Variants in NELL1 observed in about 807,000 individuals in gnomAD.
NELL1 encodes the protein neural EGFL like 1, also known as protein kinase C-binding protein NELL1.
In NELL1, 76 loss-of-function variants were observed where a neutral mutation model predicts 107.4. The ratio of observed to expected loss-of-function variants is 0.71; its 90% confidence interval spans 0.59 to 0.86. NELL1 has a LOEUF of 0.86. Among genes scored for constraint, NELL1 ranks in the 40% least tolerant of loss-of-function variants. The probability of loss-of-function intolerance (pLI) is 0.00; values close to 1 mark genes in which losing one functional copy is unlikely to be tolerated. For synonymous variants in NELL1, 353 were observed against 341.2 expected, an observed-to-expected ratio of 1.03 and a Z score of -0.38; for missense variants, 1,024 against 1,005.5, an observed-to-expected ratio of 1.02 and a Z score of -0.25.
chr11:21,023,272 G>A (rs1414246419), intron 12 of NELL1, among the ~76,000 whole-genome samples: 1 of 151,974 alleles, frequency 6.6e-6, no homozygotes, highest in Non-Finnish European at 1.5e-5. Context: ...TTGAACCTTA[G>A]TTTTCTCATT....
In NELL1 at chr11:21,541,411, A is replaced by G. The variant is rs74938618; in HGVS notation, c.1786+6897A>G. 3.1e-3 allele frequency among the ~76,000 whole-genome samples: 476 copies of G among 152,256 alleles called. 4 individuals carry two copies. The highest frequency in any genetic ancestry group is 0.01 in the African/African-American group (432 of 41,576). ...AAACAACCAAAAATGTTCCGCTGAA[A>G]TCCCTTGGGAAAGAAATTTCCATTT... On this transcript the variant is annotated intron_variant, in intron 16 of 19. Transcript: ENST00000357134.
At chr11:21,240,675 T>C (rs1858330755) in intron 14 of NELL1, among the ~76,000 whole-genome samples, 1 of 150,578 alleles carries the variant, frequency 6.6e-6, no homozygotes, top group Admixed American at 6.7e-5. Flanking sequence ...AGATACAATA[T>C]ATGGATTGCG....
chr11:21,081,998 G>A (rs766558533), intron 12 of NELL1, among the ~76,000 whole-genome samples: 7 of 152,094 alleles, frequency 4.6e-5, no homozygotes, highest in Non-Finnish European at 7.4e-5. Context: ...GAAACACTAC[G>A]CCATACTCTC....
At chr11:21,131,124 A>G (rs1216765996) in intron 13 of NELL1, among the ~76,000 whole-genome samples, 1 of 152,162 alleles carries the variant, frequency 6.6e-6, no homozygotes, top group Non-Finnish European at 1.5e-5. Context: ...GCCTCTTGCA[A>G]CTAGGATGTG....
At chr11:20,827,611 G>A (rs1332492591) in intron 3 of NELL1, among the ~76,000 whole-genome samples, 2 of 151,200 alleles carry the variant, frequency 1.3e-5, no homozygotes, top group East Asian at 3.9e-4. Context: ...AGGATTGCAT[G>A]TAGGAGGTTT....
chr11:21,206,959 C>G (rs1857402798), intron 13 of NELL1, among the ~76,000 whole-genome samples: 1 of 152,144 alleles, frequency 6.6e-6, no homozygotes, highest in Non-Finnish European at 1.5e-5. Flanking sequence ...CAAAGGGCCT[C>G]AGCAAAAAGG....
intron 2 of NELL1, among the ~76,000 whole-genome samples, chr11:20,745,683 G>C (rs1183311721): frequency 6.6e-6 from 1 of 152,126 alleles, no homozygotes; most frequent in Non-Finnish European, 1.5e-5. Flanking sequence ...ATTAATAAAA[G>C]GAGCTTTGTT....
chr11:21,107,991 G>C (rs1194511569), intron 12 of NELL1, among the ~76,000 whole-genome samples: 1 of 152,138 alleles, frequency 6.6e-6, no homozygotes, highest in Non-Finnish European at 1.5e-5. Flanking sequence ...GAAATTTTAG[G>C]CACTCTACAC....
intron 4 of NELL1, among the ~76,000 whole-genome samples, chr11:20,864,184 T>A (rs533861786): frequency 1.6e-4 from 25 of 152,158 alleles, no homozygotes; most frequent in African/African-American, 3.4e-4. Context: ...ATTAAAAAAA[T>A]TTTTTAAATA....
At chr11:20,765,556 A>G (rs1266153549) in intron 2 of NELL1, among the ~76,000 whole-genome samples, 2 of 152,144 alleles carry the variant, frequency 1.3e-5, no homozygotes, top group African/African-American at 4.8e-5. Context: ...CTGAAGCCTG[A>G]GTGATGAATG....
intron 5 of NELL1, among the ~76,000 whole-genome samples, chr11:20,916,612 A>G (rs1308782455): frequency 6.6e-6 from 1 of 151,836 alleles, no homozygotes; most frequent in Non-Finnish European, 1.5e-5. Context: ...TACTTCCACC[A>G]ATTCTGCATC....
chr11:20,975,062 T>G (rs1296007260), intron 12 of NELL1, among the ~76,000 whole-genome samples: 1 of 152,116 alleles, frequency 6.6e-6, no homozygotes, highest in Admixed American at 6.6e-5. Flanking sequence ...CATGCTGGAG[T>G]GCAGTGCATG....
intron 2 of NELL1, among the ~76,000 whole-genome samples, chr11:20,682,448 C>T (rs575635004): frequency 7.6e-4 from 116 of 151,794 alleles, no homozygotes; most frequent in African/African-American, 2.2e-3. Flanking sequence ...AAACACATTC[C>T]GATTTGCATG....
intron 12 of NELL1, among the ~76,000 whole-genome samples, chr11:21,100,406 T>C (rs1384966858): frequency 6.6e-6 from 1 of 152,202 alleles, no homozygotes; most frequent in Non-Finnish European, 1.5e-5. Flanking sequence ...TCAAAGCTTT[T>C]TTATCACTGG....
intron 13 of NELL1, among the ~76,000 whole-genome samples, chr11:21,158,693 C>T (rs1856298402): frequency 1.3e-5 from 2 of 152,152 alleles, no homozygotes; most frequent in Non-Finnish European, 2.9e-5. Flanking sequence ...ATCATATCTA[C>T]ATTTCATTCA....
At chr11:21,054,256 A>G (rs1479670101) in intron 12 of NELL1, among the ~76,000 whole-genome samples, 7 of 152,044 alleles carry the variant, frequency 4.6e-5, no homozygotes, top group Admixed American at 4.6e-4. Flanking sequence ...TGTAGTTACT[A>G]TTTGCCAACA....
intron 12 of NELL1, among the ~76,000 whole-genome samples, chr11:21,068,032 C>CAAA (rs1195285619): frequency 0.013 from 535 of 40,352 alleles, 125 homozygotes; most frequent in African/African-American, 0.027. Context: ...GATGCCATCT[C>CAAA]AAAAAAAAAA....
At chr11:21,110,592 G>T (rs1855083870) in intron 12 of NELL1, among the ~76,000 whole-genome samples, 2 of 152,108 alleles carry the variant, frequency 1.3e-5, no homozygotes, top group South Asian at 2.1e-4. Context: ...TGTTGACAAG[G>T]GTCCATGACA....
chr11:21,075,991 A>G (rs962803151), intron 12 of NELL1, among the ~76,000 whole-genome samples: 6 of 152,154 alleles, frequency 3.9e-5, no homozygotes, highest in Non-Finnish European at 7.4e-5. Flanking sequence ...TTCTGAGCAA[A>G]TTTTTATAAA....
Sources: gnomAD v4.1 joint callset for allele counts (sites outside exome capture counted in the v4.1 genomes callset) on GRCh38, gnomAD v4.1.1 for gene constraint, MANE v1.5 for transcripts, NCBI Gene and HGNC (gene_info 2026-07-23, HGNC 2026-07-21) for gene names.